MARCHF1: variants seen among roughly 807,000 people sequenced by gnomAD.
MARCHF1 encodes the protein membrane associated ring-CH-type finger 1.
MARCHF1 carries 40 observed loss-of-function variants against 54.2 expected under a neutral mutation model. That is an observed-to-expected ratio of 0.74 (90% confidence interval 0.57 to 0.96). The LOEUF (loss-of-function observed/expected upper bound fraction) is 0.96, where lower values mean the gene tolerates loss of function less well. MARCHF1 is among the 40% of genes least tolerant of loss of function. The pLI is 0.00. For missense variants in MARCHF1, 586 were observed against 656.5 expected (o/e 0.89, Z 1.17); for synonymous variants, 236 against 236.3 (o/e 1.00, Z 0.01).
At chr4:164,269,578 A>C (rs1249902005) in intron 1 of MARCHF1, among the ~76,000 whole-genome samples, 1 of 152,202 alleles carries the variant, frequency 6.6e-6, no homozygotes, top group Admixed American at 6.5e-5. Context: ...ATTTCTTTGG[A>C]GATCCACTTT....
In MARCHF1 at chr4:163,914,869, T is replaced by C. The variant is rs534257122; in HGVS notation, c.-38-60700A>G. ...GTACACTAGGTATTATTAGAGTACATACCTTTACCTATTATTGCATAATAA... is the reference window on the plus strand; with the variant it reads ...GTACACTAGGTATTATTAGAGTACACACCTTTACCTATTATTGCATAATAA... On this transcript the variant is annotated intron_variant, in intron 3 of 9. Transcript: ENST00000514618. 3.3e-5 allele frequency among the ~76,000 whole-genome samples: 5 copies of C among 152,290 alleles called. No homozygotes were observed. The East Asian group carries it at 7.7e-4, about 24-fold the overall frequency.
chr4:163,929,993 A>ATATATTATATATAAATATATTATATATAC (rs1751633835), intron 3 of MARCHF1, among the ~76,000 whole-genome samples: 4 of 129,652 alleles, frequency 3.1e-5, no homozygotes, highest in South Asian at 2.2e-4. Context: ...TATATATATA[A>ATATATTATATATAAATATATTATATATAC]TATATTATAT....
intron 4 of MARCHF1, among the ~76,000 whole-genome samples, chr4:163,764,693 A>G (rs1404996758): frequency 1.3e-5 from 2 of 152,076 alleles, no homozygotes; most frequent in African/African-American, 4.8e-5. Flanking sequence ...AGAAAACCCA[A>G]GAGGGATGAT....
intron 4 of MARCHF1, among the ~76,000 whole-genome samples, chr4:163,798,195 G>A (rs772477226): frequency 1.3e-4 from 20 of 152,082 alleles, no homozygotes; most frequent in Non-Finnish European, 1.8e-4. Context: ...CTTATACAAA[G>A]AGAAAGAAAG....
At chr4:163,556,355 G>A (rs1218762515) in intron 8 of MARCHF1, among the ~76,000 whole-genome samples, 1 of 152,104 alleles carries the variant, frequency 6.6e-6, no homozygotes, top group Non-Finnish European at 1.5e-5. Flanking sequence ...TGTCTTTCTA[G>A]AATATTCCTT....
chr4:163,761,007 T>C (rs756210226), intron 4 of MARCHF1, among the ~76,000 whole-genome samples: 1 of 152,304 alleles, frequency 6.6e-6, no homozygotes, highest in Non-Finnish European at 1.5e-5. Flanking sequence ...TATGAGTGAA[T>C]ACTTCTGCAA....
intron 5 of MARCHF1, among the ~76,000 whole-genome samples, chr4:163,681,014 TAATA>T (rs999971856): frequency 2.7e-5 from 4 of 149,480 alleles, no homozygotes; most frequent in Admixed American, 1.3e-4. Flanking sequence ...TTAACATATT[TAATA>T]AATATATTAA....
At chr4:164,038,506 A>C (rs1422345379) in intron 2 of MARCHF1, among the ~76,000 whole-genome samples, 1 of 152,120 alleles carries the variant, frequency 6.6e-6, no homozygotes, top group East Asian at 1.9e-4. Flanking sequence ...TAAATAAATA[A>C]AAATAAAATA....
At chr4:163,586,993 C>G (rs1740433686) in intron 7 of MARCHF1, among the ~76,000 whole-genome samples, 1 of 152,074 alleles carries the variant, frequency 6.6e-6, no homozygotes, top group African/African-American at 2.4e-5. Context: ...TCACAAAAAT[C>G]ACTGGTTACA....
intron 3 of MARCHF1, among the ~76,000 whole-genome samples, chr4:163,924,293 G>A (rs1055936627): frequency 6.6e-6 from 1 of 152,002 alleles, no homozygotes; most frequent in Non-Finnish European, 1.5e-5. Flanking sequence ...AGTTGTCAAG[G>A]CTGGCTGGAC....
At chr4:163,566,801 A>G (rs1421844551) in intron 8 of MARCHF1, among the ~76,000 whole-genome samples, 1 of 152,212 alleles carries the variant, frequency 6.6e-6, no homozygotes. Context: ...GGAGAAAAAT[A>G]AGCTTATTTG....
chr4:163,977,594 CA>C (rs566858107), intron 3 of MARCHF1, among the ~76,000 whole-genome samples: 3 of 150,804 alleles, frequency 2.0e-5, no homozygotes, highest in Non-Finnish European at 4.4e-5. Context: ...ATTATCAAAA[CA>C]AAAAAAAACT....
intron 7 of MARCHF1, among the ~76,000 whole-genome samples, chr4:163,596,537 CAAAAAAAAAAAA>C (rs142539749): frequency 1.4e-5 from 1 of 73,778 alleles, no homozygotes; most frequent in Non-Finnish European, 2.5e-5. Flanking sequence ...GAGGCTGTCT[CAAAAAAAAAAAA>C]AAAAAAAAAA....
intron 7 of MARCHF1, among the ~76,000 whole-genome samples, chr4:163,599,552 T>A (rs984690524): frequency 9.2e-5 from 14 of 152,248 alleles, no homozygotes; most frequent in African/African-American, 3.4e-4. Flanking sequence ...TTTCACAGAT[T>A]TGTTAGGTTC....
At chr4:163,924,263 G>T (rs777489963) in intron 3 of MARCHF1, among the ~76,000 whole-genome samples, 6 of 152,116 alleles carry the variant, frequency 3.9e-5, no homozygotes, top group Middle Eastern at 3.4e-3. Flanking sequence ...GTAATCAAAG[G>T]AGTCAATACA....
chr4:164,022,246 T>C (rs1341971499), intron 2 of MARCHF1, among the ~76,000 whole-genome samples: 1 of 152,198 alleles, frequency 6.6e-6, no homozygotes, highest in Non-Finnish European at 1.5e-5. Context: ...GTGTGACTAA[T>C]TAAATTAAAT....
chr4:163,547,915 T>A (rs1012655098), intron 8 of MARCHF1, among the ~76,000 whole-genome samples: 17 of 152,216 alleles, frequency 1.1e-4, no homozygotes, highest in African/African-American at 4.1e-4. Flanking sequence ...TGTACTTTGT[T>A]TTTTATCAAA....
At chr4:163,684,615 A>C (rs552803741) in intron 5 of MARCHF1, among the ~76,000 whole-genome samples, 1 of 152,226 alleles carries the variant, frequency 6.6e-6, no homozygotes, top group African/African-American at 2.4e-5. Flanking sequence ...TGAAATGACC[A>C]ATATCATGAT....
intron 4 of MARCHF1, among the ~76,000 whole-genome samples, chr4:163,792,224 G>A (rs750678469): frequency 5.3e-5 from 8 of 152,028 alleles, no homozygotes; most frequent in East Asian, 1.9e-4. Flanking sequence ...CTCTCTTTAC[G>A]TTTGTCTTCA....
Sources: allele counts gnomAD v4.1 joint callset (sites outside exome capture counted in the v4.1 genomes callset), GRCh38; gene constraint gnomAD v4.1.1; transcripts MANE v1.5; gene names NCBI Gene and HGNC (gene_info 2026-07-23, HGNC 2026-07-21).